HRH1: variants seen among roughly 807,000 people sequenced by gnomAD.
The protein encoded by HRH1 is histamine receptor H1, also known as histamine H1 receptor.
HRH1 carries 6 observed loss-of-function variants against 10.3 expected under a neutral mutation model. That is an observed-to-expected ratio of 0.58 (90% CI 0.32 to 1.15). The LOEUF (loss-of-function observed/expected upper bound fraction) is 1.15, where lower values mean the gene tolerates loss of function less well. HRH1 is among the 50% of genes most tolerant of loss of function. The pLI is 0.05. For synonymous variants in HRH1, 242 were observed against 236.7 expected (o/e 1.02, Z -0.21); for missense variants, 514 against 615.3 (o/e 0.84, Z 1.74).
intron 1 of HRH1, among the ~76,000 whole-genome samples, chr3:11,196,953 C>CAAAAAAAAAAAAA (rs35134148): frequency 5.4e-5 from 6 of 110,442 alleles, no homozygotes; most frequent in African/African-American, 1.1e-4. Flanking sequence ...ACTAAAAATA[C>CAAAAAAAAAAAAA]AAAAAAAAAA....
intron 1 of HRH1, among the ~76,000 whole-genome samples, chr3:11,239,619 A>G (rs946757348): frequency 2.0e-5 from 3 of 152,192 alleles, no homozygotes; most frequent in African/African-American, 4.8e-5. Flanking sequence ...TAGCTCATAC[A>G]TTTAGGACTA....
rs540623736 is a variant in HRH1, at chr3:11,212,032, A to AG, written c.-35-46965dup. ...GGTTAGTTGGCAGTGGGGCTGGGGG[A>AG]GGGGGGCAGCCAATCAGAAGAATAT... is the stretch of plus-strand genomic sequence containing the variant. On this transcript the variant is annotated intron_variant, in intron 1 of 1. Coordinates refer to ENST00000431010, the MANE Select transcript of HRH1 (RefSeq NM_001098212.2). 2.9e-3 allele frequency among the ~76,000 whole-genome samples: 447 copies of AG among 152,020 alleles called. 5 individuals carry two copies. Among genetic ancestry groups the AG allele is most frequent in the Admixed American group, 7.8e-3 (119 of 15,266 alleles).
chr3:11,211,596 G>A (rs192989263), intron 1 of HRH1, among the ~76,000 whole-genome samples: 7 of 152,308 alleles, frequency 4.6e-5, no homozygotes, highest in South Asian at 2.1e-4. Context: ...CCTCAGCACC[G>A]GGGCCTTCCT....
chr3:11,260,752 T>A lies in HRH1; in HGVS notation c.*251T>A, dbSNP rs568627633. On this transcript the variant is annotated 3_prime_UTR_variant, in exon 2 of 2. Coordinates refer to ENST00000431010, the MANE Select transcript of HRH1 (RefSeq NM_001098212.2). ...GAAAGTCAGACCTGTTTCTTGTAAC[T>A]GGGTTCAAAAAGAAAAAAATAATAA... 1.1e-5 allele frequency: 5 copies of A among 453,734 alleles called. No individual in the cohort carries two copies. Among genetic ancestry groups the A allele is most frequent in the African/African-American group, 8.0e-5 (4 of 50,062 alleles). 28.1% of individuals were successfully genotyped at this position (453,734 alleles called of 1,614,324 possible).
chr3:11,250,112 C>T (rs546642592), intron 1 of HRH1, among the ~76,000 whole-genome samples: 20 of 145,328 alleles, frequency 1.4e-4, no homozygotes, highest in Non-Finnish European at 2.1e-4. Context: ...GCGCGATCTC[C>T]GCTCACTGCA....
At chr3:11,226,624 G>C (rs1041896681) in intron 1 of HRH1, 1 of 151,898 alleles carries the variant, frequency 6.6e-6, no homozygotes, top group African/African-American at 2.4e-5. Context: ...GGTGACTTAT[G>C]CCTGTAATCC....
chr3:11,223,424 A>G (rs1938779110), intron 1 of HRH1, among the ~76,000 whole-genome samples: 2 of 151,916 alleles, frequency 1.3e-5, no homozygotes, highest in African/African-American at 4.8e-5. Flanking sequence ...GTGTGAACCC[A>G]GGAGGCGGAG....
chr3:11,233,199 C>T lies in HRH1; in HGVS notation c.-35-25804C>T, dbSNP rs183803215. The stretch of plus-strand genomic sequence containing the variant: ...CTCAAAGCACATTATCATTGCCACC[C>T]TCTTTCTCATCTCCTTCTGGGACTA... On this transcript the variant is annotated intron_variant, in intron 1 of 1. Transcript: ENST00000431010. Among the ~76,000 whole-genome samples, 294 of 152,300 alleles carry T rather than the reference C, an allele frequency of 1.9e-3. 1 individual carries two copies. Among genetic ancestry groups the T allele is most frequent in the African/African-American group, 6.7e-3 (279 of 41,554 alleles).
At chr3:11,144,484 C>CCTATAAAAGTATAG (rs1559249839) in intron 1 of HRH1, among the ~76,000 whole-genome samples, 1 of 21,084 alleles carries the variant, frequency 4.7e-5, no homozygotes, top group Non-Finnish European at 9.2e-5. Context: ...CATATATATA[C>CCTATAAAAGTATAG]ACACACACAC....
chr3:11,185,745 G>T (rs113443344), intron 1 of HRH1, among the ~76,000 whole-genome samples: 1,856 of 152,302 alleles, frequency 0.012, 37 homozygotes, highest in African/African-American at 0.043. Flanking sequence ...GCCAATAGTG[G>T]TGATGGTGTT....
At chr3:11,248,092 G>A (rs562201845) in intron 1 of HRH1, among the ~76,000 whole-genome samples, 2 of 152,206 alleles carry the variant, frequency 1.3e-5, no homozygotes, top group African/African-American at 2.4e-5. Flanking sequence ...CATCGGGGGC[G>A]GTGTTATTAG....
At chr3:11,230,097 G>A (rs1484904027) in intron 1 of HRH1, among the ~76,000 whole-genome samples, 1 of 152,096 alleles carries the variant, frequency 6.6e-6, no homozygotes, top group Non-Finnish European at 1.5e-5. Context: ...AGGAGTAGGT[G>A]GCTGGCCTCT....
intron 1 of HRH1, among the ~76,000 whole-genome samples, chr3:11,169,832 T>A (rs1211021405): frequency 1.3e-5 from 2 of 152,214 alleles, no homozygotes; most frequent in Non-Finnish European, 2.9e-5. Context: ...GTTTGGGGTT[T>A]GGACCCAGTC....
intron 1 of HRH1, among the ~76,000 whole-genome samples, chr3:11,165,786 C>G (rs1413654435): frequency 1.3e-5 from 2 of 152,318 alleles, no homozygotes; most frequent in East Asian, 3.9e-4. Flanking sequence ...GTGTGTCTAT[C>G]TGTGCACTAA....
At chr3:11,182,535 C>T (rs961310763) in intron 1 of HRH1, among the ~76,000 whole-genome samples, 1 of 152,206 alleles carries the variant, frequency 6.6e-6, no homozygotes, top group African/African-American at 2.4e-5. Context: ...TGAAGGAACT[C>T]AGCCCAGGGA....
chr3:11,171,123 CTTTTT>C (rs200795325), intron 1 of HRH1, among the ~76,000 whole-genome samples: 1 of 142,206 alleles, frequency 7.0e-6, no homozygotes, highest in African/African-American at 2.6e-5. Context: ...TTTTTCTTTT[CTTTTT>C]TTTTTTTTGA....
At chr3:11,179,733 G>C (rs1937316932) in intron 1 of HRH1, among the ~76,000 whole-genome samples, 1 of 151,052 alleles carries the variant, frequency 6.6e-6, no homozygotes, top group Admixed American at 6.6e-5. Flanking sequence ...TGCCTCCCTA[G>C]GCCTCAGTTT....
chr3:11,172,783 G>C (rs1322740418), intron 1 of HRH1, among the ~76,000 whole-genome samples: 2 of 147,536 alleles, frequency 1.4e-5, no homozygotes, highest in Non-Finnish European at 3.0e-5. Flanking sequence ...CTCACTGCAA[G>C]CTCCGCCTCC....
intron 1 of HRH1, among the ~76,000 whole-genome samples, chr3:11,165,418 C>T (rs1420207435): frequency 6.6e-6 from 1 of 152,158 alleles, no homozygotes; most frequent in Non-Finnish European, 1.5e-5. Flanking sequence ...CAAAACTAAT[C>T]CTTGAGTTTC....
Sources: gnomAD v4.1 joint callset for allele counts (sites outside exome capture counted in the v4.1 genomes callset) on GRCh38, gnomAD v4.1.1 for gene constraint, MANE v1.5 for transcripts, NCBI Gene and HGNC (gene_info 2026-07-23, HGNC 2026-07-21) for gene names.